The following UMAD1 variants were observed in gnomAD, a reference collection of about 807,000 sequenced individuals.
UMAD1 encodes the protein UBAP1-MVB12-associated (UMA)-domain containing protein 1.
UMAD1 carries 8 observed loss-of-function variants against 6.1 expected under a neutral mutation model. The observed-to-expected ratio is 1.30, with a 90% confidence interval of 0.76 to 2.35. The LOEUF (loss-of-function observed/expected upper bound fraction) is 2.35. UMAD1 is among the 30% of genes most tolerant of loss of function. The pLI is 0.00. For missense variants in UMAD1, 130 were observed against 78.4 expected (o/e 1.66, Z -2.49); for synonymous variants, 56 against 31.4 (o/e 1.78, Z -2.61).
intron 2 of UMAD1, among the ~76,000 whole-genome samples, chr7:7,728,962 T>C (rs1446039970): frequency 6.6e-6 from 1 of 152,218 alleles, no homozygotes; most frequent in Non-Finnish European, 1.5e-5. Context: ...AGACATTACA[T>C]ATACGACAAC....
chr7:7,717,484 GTAT>G (rs1563151205), intron 2 of UMAD1, among the ~76,000 whole-genome samples: 1 of 152,166 alleles, frequency 6.6e-6, no homozygotes, highest in Non-Finnish European at 1.5e-5. Flanking sequence ...TACTTCAGAA[GTAT>G]TTACTTTATT....
chr7:7,718,510 C>T (rs1437341521), intron 2 of UMAD1: 1 of 152,186 alleles, frequency 6.6e-6, no homozygotes, highest in Non-Finnish European at 1.5e-5. Flanking sequence ...CAAACAGATA[C>T]TTACAAAATT....
At chr7:7,756,980 C>G (rs1781791510) in intron 2 of UMAD1, among the ~76,000 whole-genome samples, 2 of 152,180 alleles carry the variant, frequency 1.3e-5, no homozygotes, top group African/African-American at 4.8e-5. Flanking sequence ...GACAGAATAG[C>G]TACACATTGA....
chr7:7,766,591 C>T (rs1247817575), intron 2 of UMAD1, among the ~76,000 whole-genome samples: 1 of 152,222 alleles, frequency 6.6e-6, no homozygotes, highest in Non-Finnish European at 1.5e-5. Flanking sequence ...TTACAGCCCT[C>T]TTTAGGCAAT....
At chr7:7,691,597 C>A (rs929655714) in intron 2 of UMAD1, among the ~76,000 whole-genome samples, 13 of 152,188 alleles carry the variant, frequency 8.5e-5, no homozygotes, top group Admixed American at 8.5e-4. Context: ...CATTTCAGAT[C>A]ATTTTGCTGG....
At chr7:7,857,325 T>C (rs1784037256) in intron 3 of UMAD1, among the ~76,000 whole-genome samples, 2 of 152,224 alleles carry the variant, frequency 1.3e-5, no homozygotes, top group African/African-American at 2.4e-5. Context: ...CTTAGCATAA[T>C]TGGTTCAGGA....
chr7:7,853,683 T>G (rs1783961390), intron 3 of UMAD1, among the ~76,000 whole-genome samples: 1 of 152,210 alleles, frequency 6.6e-6, no homozygotes, highest in Non-Finnish European at 1.5e-5. Flanking sequence ...CTGAACTTAT[T>G]TGTTCCAATA....
At chr7:7,854,741 C>T (rs1563262278) in intron 3 of UMAD1, among the ~76,000 whole-genome samples, 2 of 152,170 alleles carry the variant, frequency 1.3e-5, no homozygotes, top group South Asian at 2.1e-4. Context: ...CAATCATATC[C>T]TCCCAACAGT....
intron 2 of UMAD1, among the ~76,000 whole-genome samples, chr7:7,790,380 C>T (rs1782545910): frequency 6.6e-6 from 1 of 152,178 alleles, no homozygotes; most frequent in African/African-American, 2.4e-5. Flanking sequence ...GCACATCCAT[C>T]CCATGCCAGC....
At chr7:7,855,434 G>A (rs1377849322) in intron 3 of UMAD1, among the ~76,000 whole-genome samples, 2 of 152,204 alleles carry the variant, frequency 1.3e-5, no homozygotes, top group Non-Finnish European at 2.9e-5. Context: ...TCTTCTGCAT[G>A]CCCCAAGACC....
intron 2 of UMAD1, among the ~76,000 whole-genome samples, chr7:7,729,980 A>C (rs969491483): frequency 6.6e-6 from 1 of 152,184 alleles, no homozygotes; most frequent in African/African-American, 2.4e-5. Context: ...GCCTATGGTC[A>C]ATAGTTGCAG....
At chr7:7,782,115 T>A (rs1023053026) in intron 2 of UMAD1, among the ~76,000 whole-genome samples, 1 of 152,180 alleles carries the variant, frequency 6.6e-6, no homozygotes, top group Non-Finnish European at 1.5e-5. Flanking sequence ...TTCCATTCTC[T>A]TATTTTTAAA....
chr7:7,799,364 A>G (rs879696764), intron 2 of UMAD1, among the ~76,000 whole-genome samples: 7 of 152,204 alleles, frequency 4.6e-5, no homozygotes, highest in African/African-American at 7.2e-5. Context: ...TGATTCTGCA[A>G]TTGCTTCCAG....
chr7:7,643,348 G>C (rs542073620), intron 1 of UMAD1, among the ~76,000 whole-genome samples: 1 of 152,316 alleles, frequency 6.6e-6, no homozygotes, highest in African/African-American at 2.4e-5. Context: ...CAAGGCTAAG[G>C]AGGGCTCTGT....
At chr7:7,732,744 A>C (rs1001627073) in intron 2 of UMAD1, among the ~76,000 whole-genome samples, 1 of 152,228 alleles carries the variant, frequency 6.6e-6, no homozygotes, top group African/African-American at 2.4e-5. Context: ...GTCCCATAAA[A>C]TATAGTTCAG....
intron 2 of UMAD1, among the ~76,000 whole-genome samples, chr7:7,707,618 AAAGAC>A (rs1780638590): frequency 2.6e-5 from 4 of 152,306 alleles, no homozygotes; most frequent in Admixed American, 2.6e-4. Flanking sequence ...ACAAATAATA[AAAGAC>A]TAAATGATAT....
chr7:7,804,719 C>T (rs1227629371), intron 3 of UMAD1, among the ~76,000 whole-genome samples: 4 of 152,128 alleles, frequency 2.6e-5, no homozygotes, highest in Admixed American at 1.3e-4. Context: ...CGGTGGCTCA[C>T]GCCTGTAATC....
intron 1 of UMAD1, among the ~76,000 whole-genome samples, chr7:7,665,675 C>A (rs747179381): frequency 6.6e-6 from 1 of 152,182 alleles, no homozygotes; most frequent in South Asian, 2.1e-4. Context: ...TGTCATCCCT[C>A]CTTCCTTTGT....
At chr7:7,666,662 T>A (rs903878840) in intron 1 of UMAD1, among the ~76,000 whole-genome samples, 4 of 152,166 alleles carry the variant, frequency 2.6e-5, no homozygotes, top group Non-Finnish European at 5.9e-5. Context: ...TGGCTGTTCA[T>A]ATTTTTTGCC....
Sources: gnomAD v4.1 joint callset for allele counts (sites outside exome capture counted in the v4.1 genomes callset) on GRCh38, gnomAD v4.1.1 for gene constraint, MANE v1.5 for transcripts, NCBI Gene and HGNC (gene_info 2026-07-23, HGNC 2026-07-21) for gene names.